The following PRDM10 variants were observed in gnomAD, a reference collection of about 807,000 sequenced individuals.
The protein encoded by PRDM10 is PR/SET domain 10.
A neutral mutation model predicts 133.1 loss-of-function variants in PRDM10; 65 were observed. The observed-to-expected ratio is 0.49, with a 90% CI of 0.40 to 0.60. The LOEUF is 0.60. PRDM10 is among the 20% of genes least tolerant of loss of function. PRDM10 has a pLI of 0.00. For synonymous variants in PRDM10, 582 were observed against 580.4 expected, an observed-to-expected ratio of 1.00 and a Z score of -0.04; for missense variants, 1,137 against 1,507.1, an observed-to-expected ratio of 0.75 and a Z score of 4.07.
intron 4 of PRDM10, among the ~76,000 whole-genome samples, chr11:129,950,592 C>T (rs1270708041): frequency 6.6e-6 from 1 of 152,210 alleles, no homozygotes; most frequent in African/African-American, 2.4e-5. Flanking sequence ...CCTCAACCTC[C>T]TCACCAGAAC....
At position 129,944,801 on chromosome 11, in the gene PRDM10, C is replaced by T. The variant is rs560383378; in HGVS notation, c.732G>A (p.Ser244=). ...GGTGAATGTAACAGTCTTTCAGCTCCGAGCCCCTGACGAGAGGCCCCTCCA... is the reference window on the plus strand; with the variant it reads ...GGTGAATGTAACAGTCTTTCAGCTCTGAGCCCCTGACGAGAGGCCCCTCCA... The part of the protein sequence containing the change: ...GPVEGPLVRG[S]ELKDCYIHLK... Residue 244 remains serine (S), a synonymous_variant, in exon 6 of 21, where the codon TCG becomes TCA. Coordinates refer to ENST00000360871, the MANE Select transcript of PRDM10 (RefSeq NM_199437.2). The T allele has an allele frequency of 5.0e-6, 8 of 1,613,816 alleles. No individual in the cohort carries two copies. The South Asian group carries it at 6.6e-5, about 13-fold the overall frequency.
At chr11:129,922,430 A>G (rs1950546165) in intron 13 of PRDM10, among the ~76,000 whole-genome samples, 1 of 152,226 alleles carries the variant, frequency 6.6e-6, no homozygotes, top group African/African-American at 2.4e-5. Context: ...GTGCTGTTAT[A>G]TATTCAAAGC....
Position 129,942,620 on chromosome 11 carries a change from C to T in PRDM10, c.772G>A (p.Asp258Asn). ...DCYIHLKVSL[D>N]KGDRKERDLH... ...TCCCTTTCTTTCCTGTCCCCTTTAT[C>T]AAGAGAAACCTGCACGAAAAAAAAG... Residue 258 changes from aspartate to asparagine, a missense_variant, in exon 7 of 21, where the codon GAT becomes AAT. Transcript: ENST00000360871. The T allele has an allele frequency of 6.2e-7, 1 of 1,608,478 alleles. No homozygotes were observed. The highest frequency in any genetic ancestry group is 8.5e-7 in the Non-Finnish European group (1 of 1,177,754).
At chr11:129,963,380 AAGAG>A (rs1951834553) in intron 1 of PRDM10, among the ~76,000 whole-genome samples, 1 of 60,100 alleles carries the variant, frequency 1.7e-5, no homozygotes, top group Non-Finnish European at 2.7e-5. Flanking sequence ...TGAAAGAAAA[AAGAG>A]AGAAGAGAAG....
At chr11:129,972,129 A>G (rs1002901510) in intron 1 of PRDM10, among the ~76,000 whole-genome samples, 3 of 152,182 alleles carry the variant, frequency 2.0e-5, no homozygotes, top group Non-Finnish European at 2.9e-5. Context: ...GGGGCCCGCC[A>G]AGCCCACGCC....
intron 1 of PRDM10, among the ~76,000 whole-genome samples, chr11:129,984,534 C>T (rs1040977920): frequency 6.6e-6 from 1 of 152,228 alleles, no homozygotes; most frequent in East Asian, 1.9e-4. Context: ...CCACCCTACT[C>T]GGGCTTCTAT....
chr11:129,947,496 G>A lies in PRDM10; in HGVS notation c.295-126C>T. On this transcript the variant is annotated intron_variant, in intron 4 of 20. Transcript: ENST00000360871. The surrounding 1 kb of genome is among the most constrained non-coding windows in gnomAD (Gnocchi z 4.6). ...CTAGTCTTCCTACCAACTCCTTCCAGGCCCTGGAAAAATGACTTCCATCTA... is the reference window on the plus strand; with the variant it reads ...CTAGTCTTCCTACCAACTCCTTCCAAGCCCTGGAAAAATGACTTCCATCTA... 2.0e-6 allele frequency: 3 copies of A among 1,530,590 alleles called. No individual in the cohort carries two copies. Among genetic ancestry groups the A allele is most frequent in the Non-Finnish European group, 1.8e-6 (2 of 1,140,050 alleles). 94.8% of individuals were successfully genotyped at this position (1,530,590 alleles called of 1,614,324 possible).
chr11:129,944,804 G>A lies in PRDM10; in HGVS notation c.729C>T (p.Gly243=), dbSNP rs1951350934. The change falls in exon 6 of 21, where the codon GGC becomes GGT. Residue 243 remains glycine (G), a synonymous_variant. Transcript: ENST00000360871. ...GAATGTAACAGTCTTTCAGCTCCGA[G>A]CCCCTGACGAGAGGCCCCTCCACGG... The part of the protein sequence containing the change: ...FGPVEGPLVR[G]SELKDCYIHL... The A allele has an allele frequency of 6.2e-7, 1 of 1,613,906 alleles. No homozygotes were observed. Among genetic ancestry groups the A allele is most frequent in the African/African-American group, 1.3e-5 (1 of 75,026 alleles).
At position 129,932,089 on chromosome 11, in the gene PRDM10, C is replaced by T. The variant is rs766971624; in HGVS notation, c.1287+13G>A. On this transcript the variant is annotated intron_variant, in intron 10 of 20. Coordinates refer to ENST00000360871, the MANE Select transcript of PRDM10 (RefSeq NM_199437.2). ...CAAGCACCTAAGGAGGGCTCCTTCC[C>T]GTCCCCCCGTACCTGTGTCCCATCG... The T allele has an allele frequency of 5.0e-6, 8 of 1,610,124 alleles. No homozygotes were observed. The highest frequency in any genetic ancestry group is 6.8e-6 in the Non-Finnish European group (8 of 1,177,276).
intron 1 of PRDM10, among the ~76,000 whole-genome samples, chr11:129,985,563 G>A (rs1938364110): frequency 6.6e-6 from 1 of 151,758 alleles, no homozygotes; most frequent in Non-Finnish European, 1.5e-5. Flanking sequence ...AGGCCGAAGT[G>A]GGAGGACTGC....
At chr11:129,952,852 C>T (rs1951613460) in intron 4 of PRDM10, among the ~76,000 whole-genome samples, 1 of 152,148 alleles carries the variant, frequency 6.6e-6, no homozygotes, top group African/African-American at 2.4e-5. Flanking sequence ...AACTAATCTC[C>T]TACCTACTTC....
intron 11 of PRDM10, 117 bp downstream of exon 11, chr11:129,930,899 C>T: frequency 7.1e-7 from 1 of 1,399,120 alleles, no homozygotes; most frequent in Middle Eastern, 2.6e-4. Context: ...GAGCATGTGA[C>T]AGGCTAGATG....
At chr11:129,989,966 G>C (rs546307509) in intron 1 of PRDM10, among the ~76,000 whole-genome samples, 66 of 152,202 alleles carry the variant, frequency 4.3e-4, no homozygotes, top group African/African-American at 1.5e-3. Flanking sequence ...ACCTTGAAAG[G>C]CTGAGGCAGG....
intron 1 of PRDM10, among the ~76,000 whole-genome samples, chr11:130,001,839 G>T (rs924592607): frequency 6.6e-6 from 1 of 151,992 alleles, no homozygotes; most frequent in African/African-American, 2.4e-5. Flanking sequence ...TGCACCCTGG[G>T]TGCAGGCGGA....
chr11:129,988,820 G>A (rs951134660), intron 1 of PRDM10, among the ~76,000 whole-genome samples: 5 of 152,006 alleles, frequency 3.3e-5, no homozygotes, highest in African/African-American at 9.7e-5. Flanking sequence ...TAACAGAGAC[G>A]GGGTTTCACC....
intron 3 of PRDM10, 87 bp from the exon 4 acceptor site, chr11:129,955,658 T>G: frequency 7.9e-7 from 1 of 1,259,068 alleles, no homozygotes; most frequent in Non-Finnish European, 1.1e-6. Flanking sequence ...TAAGCACCAA[T>G]TTTTAGAAAA....
chr11:129,907,026 A>C (rs1950037666), intron 19 of PRDM10, among the ~76,000 whole-genome samples: 1 of 152,056 alleles, frequency 6.6e-6, no homozygotes, highest in African/African-American at 2.4e-5. Context: ...TTGCAGCCCT[A>C]ATGAAATAAT....
intron 4 of PRDM10, among the ~76,000 whole-genome samples, chr11:129,951,312 C>G (rs2303660): frequency 6.6e-6 from 1 of 152,168 alleles, no homozygotes; most frequent in Non-Finnish European, 1.5e-5. Context: ...CACTACATCA[C>G]GATGGCCCTA....
chr11:129,917,206 A>C lies in PRDM10; in HGVS notation c.2246T>G (p.Met749Arg). The change falls in exon 15 of 21, where the codon ATG becomes AGG. Residue 749 changes from methionine to arginine, a missense_variant. Around this residue, in one of 6 missense-constraint regions of PRDM10, gnomAD observed 65 missense variants for 151.1 expected, o/e 0.43. Transcript: ENST00000360871. ...VNHLSKRHPD[M>R]KIEEVPELTL... ...TAACTCTGGCACCTCTTCTATCTTC[A>C]TGTCTGGGTGTCTCTTCGATAAGTG... is the stretch of plus-strand genomic sequence containing the variant. 1.2e-6 allele frequency: 2 copies of C among 1,613,530 alleles called. No homozygotes were observed. Among genetic ancestry groups the C allele is most frequent in the Non-Finnish European group, 1.7e-6 (2 of 1,179,562 alleles).
Sources: allele counts gnomAD v4.1 joint callset (sites outside exome capture counted in the v4.1 genomes callset), GRCh38; gene constraint gnomAD v4.1.1; regional missense constraint gnomAD v4.1.1; non-coding constraint Gnocchi (gnomAD v3.1); transcripts MANE v1.5; gene names NCBI Gene and HGNC (gene_info 2026-07-23, HGNC 2026-07-21).